ARHGAP12: variants seen among roughly 807,000 people sequenced by gnomAD.
ARHGAP12 encodes Rho GTPase activating protein 12.
A neutral mutation model predicts 108.6 loss-of-function variants in ARHGAP12; 64 were observed. That is an observed-to-expected ratio of 0.59 (90% confidence interval 0.48 to 0.73). The LOEUF (loss-of-function observed/expected upper bound fraction) is 0.73, where lower values mean the gene tolerates loss of function less well. Ranked by LOEUF, ARHGAP12 falls within the 30% of genes least tolerant of loss-of-function variation. ARHGAP12 has a pLI of 0.00. For synonymous variants in ARHGAP12, 312 were observed against 337.2 expected (o/e 0.93, Z 0.82); for missense variants, 940 against 1,005.9 (o/e 0.93, Z 0.89).
intron 3 of ARHGAP12, among the ~76,000 whole-genome samples, chr10:31,870,834 C>T (rs1175564747): frequency 6.6e-6 from 1 of 152,186 alleles, no homozygotes; most frequent in Non-Finnish European, 1.5e-5. Flanking sequence ...ATGTTCCTGT[C>T]TAAAGCGTGA....
At chr10:31,848,299 A>G (rs1209651231) in intron 6 of ARHGAP12, among the ~76,000 whole-genome samples, 2 of 152,148 alleles carry the variant, frequency 1.3e-5, no homozygotes, top group Non-Finnish European at 2.9e-5. Flanking sequence ...TCCCCCTGTG[A>G]CGGCTTTTAA....
At chr10:31,864,210 TAA>T (rs1179627602) in intron 3 of ARHGAP12, among the ~76,000 whole-genome samples, 1 of 152,098 alleles carries the variant, frequency 6.6e-6, no homozygotes, top group South Asian at 2.1e-4. Context: ...CAAAAACTAC[TAA>T]AAGAGTTTCA....
intron 4 of ARHGAP12, among the ~76,000 whole-genome samples, chr10:31,854,899 C>T (rs1389360858): frequency 6.7e-6 from 1 of 150,024 alleles, no homozygotes; most frequent in Non-Finnish European, 1.5e-5. Context: ...GAGGCCAAGG[C>T]CAGAGGATCA....
intron 3 of ARHGAP12, among the ~76,000 whole-genome samples, chr10:31,862,180 A>G (rs1016997379): frequency 6.6e-6 from 1 of 152,220 alleles, no homozygotes; most frequent in South Asian, 2.1e-4. Context: ...AATCAGGAAC[A>G]TAAGTGAAAC....
intron 11 of ARHGAP12, among the ~76,000 whole-genome samples, chr10:31,824,825 T>C (rs1835547514): frequency 6.6e-6 from 1 of 152,148 alleles, no homozygotes. Context: ...CAGATACTTT[T>C]AAAAGTGACT....
chr10:31,822,322 A>G (rs1835446026), intron 11 of ARHGAP12, among the ~76,000 whole-genome samples: 1 of 152,238 alleles, frequency 6.6e-6, no homozygotes, highest in African/African-American at 2.4e-5. Context: ...AGAAGAAAGC[A>G]GCGAAAGCAA....
At position 31,807,455 on chromosome 10, in the gene ARHGAP12, C is replaced by T. The variant is rs772728180; in HGVS notation, c.*203G>A. ...AGGATAAAATGAATTCATAATTACA[C>T]GCAGTTATATCAACTTGCAACAAAG... On this transcript the variant is annotated 3_prime_UTR_variant, in exon 20 of 20. Coordinates refer to ENST00000344936, the MANE Select transcript of ARHGAP12 (RefSeq NM_018287.7). 7.1e-6 allele frequency: 3 copies of T among 425,510 alleles called. No homozygotes were observed. The highest frequency in any genetic ancestry group is 2.1e-5 in the African/African-American group (1 of 48,526). 26.4% of individuals were successfully genotyped at this position (425,510 alleles called of 1,614,324 possible). A position where few individuals can be genotyped will look rare whatever the true frequency, so the allele number is the denominator to read the frequency against.
At chr10:31,832,157 G>A (rs1393393629) in intron 9 of ARHGAP12, among the ~76,000 whole-genome samples, 3 of 152,014 alleles carry the variant, frequency 2.0e-5, no homozygotes, top group Non-Finnish European at 2.9e-5. Flanking sequence ...CTACAAAAAA[G>A]GAATGATTTA....
intron 1 of ARHGAP12, among the ~76,000 whole-genome samples, chr10:31,922,885 T>C (rs950277918): frequency 1.3e-5 from 2 of 152,034 alleles, no homozygotes; most frequent in Non-Finnish European, 2.9e-5. Flanking sequence ...TCCAGTGTTT[T>C]AGGAAGTCGA....
chr10:31,905,004 A>C (rs1202827148), intron 3 of ARHGAP12, among the ~76,000 whole-genome samples: 1 of 152,176 alleles, frequency 6.6e-6, no homozygotes, highest in Non-Finnish European at 1.5e-5. Flanking sequence ...AAGACTGATC[A>C]GTAGTGATGT....
chr10:31,911,642 T>A (rs539618192), intron 1 of ARHGAP12, among the ~76,000 whole-genome samples: 1 of 152,204 alleles, frequency 6.6e-6, no homozygotes, highest in African/African-American at 2.4e-5. Flanking sequence ...TAAAATACCT[T>A]AACAATGGAA....
chr10:31,829,308 C>T (rs1449923448), intron 10 of ARHGAP12, among the ~76,000 whole-genome samples: 1 of 151,922 alleles, frequency 6.6e-6, no homozygotes, highest in Non-Finnish European at 1.5e-5. Context: ...ACAGAAACAG[C>T]AGAAAGGTTA....
Position 31,920,449 on chromosome 10 carries a change from C to CAAAAAAAAAAAAAA in ARHGAP12, c.-111+8220_-111+8233dup, listed in dbSNP as rs71027040. 1.4e-3 allele frequency among the ~76,000 whole-genome samples: 86 copies of CAAAAAAAAAAAAAA among 59,592 alleles called. 1 individual carries two copies. The highest frequency in any genetic ancestry group is 2.5e-3 in the African/African-American group (34 of 13,460). The allele number at this position is 59,592 out of a possible 152,430, so 39.1% of individuals were successfully genotyped here. A position where few individuals can be genotyped will look rare whatever the true frequency, so the allele number is the denominator to read the frequency against. On this transcript the variant is annotated intron_variant, in intron 1 of 19. Coordinates refer to ENST00000344936, the MANE Select transcript of ARHGAP12 (RefSeq NM_018287.7). ...TAGGCGACAGAGTGAGACTCCGTCTCAAAAAAAAAAAAAAAAAAAAAAGAA... is the reference window on the plus strand; with the variant it reads ...TAGGCGACAGAGTGAGACTCCGTCTCAAAAAAAAAAAAAAAAAAAAAAAAAAAAAAAAAAAAGAA...
At chr10:31,812,413 A>G (rs191284159) in intron 15 of ARHGAP12, among the ~76,000 whole-genome samples, 5 of 152,314 alleles carry the variant, frequency 3.3e-5, no homozygotes, top group African/African-American at 1.2e-4. Context: ...TCTCAAAACT[A>G]AACTTTTCAT....
At chr10:31,852,366 C>G in intron 6 of ARHGAP12, 151 bp downstream of exon 6, 2 of 656,872 alleles carry the variant, frequency 3.0e-6, no homozygotes, top group Non-Finnish European at 5.4e-6. Flanking sequence ...AGAAAACTTA[C>G]ACTACTCACA....
intron 8 of ARHGAP12, 101 bp from the exon 9 acceptor site, chr10:31,839,420 T>C (rs879421295): frequency 1.4e-4 from 185 of 1,287,784 alleles, no homozygotes; most frequent in Non-Finnish European, 1.8e-4. Flanking sequence ...AAATATGGTA[T>C]ATAATTTAAT....
intron 13 of ARHGAP12, among the ~76,000 whole-genome samples, chr10:31,817,094 C>A (rs544153487): frequency 1.5e-4 from 23 of 152,158 alleles, no homozygotes; most frequent in African/African-American, 4.8e-4. Flanking sequence ...CACTTGTAGT[C>A]CCAGCTACTT....
chr10:31,844,404 T>A (rs1490983923), intron 6 of ARHGAP12, among the ~76,000 whole-genome samples: 1 of 152,222 alleles, frequency 6.6e-6, no homozygotes, highest in South Asian at 2.1e-4. Flanking sequence ...GAGGTCAAGA[T>A]CTACATTTAT....
intron 3 of ARHGAP12, among the ~76,000 whole-genome samples, chr10:31,893,116 T>C (rs1211192257): frequency 1.3e-5 from 2 of 152,108 alleles, no homozygotes; most frequent in Non-Finnish European, 2.9e-5. Context: ...TAAAGGGAAA[T>C]TTATAGCACT....
Sources: allele counts gnomAD v4.1 joint callset (sites outside exome capture counted in the v4.1 genomes callset), GRCh38; gene constraint gnomAD v4.1.1; transcripts MANE v1.5; gene names NCBI Gene and HGNC (gene_info 2026-07-23, HGNC 2026-07-21).